Variants in MAPT observed in about 807,000 individuals in gnomAD.
The protein encoded by MAPT is microtubule-associated protein tau.
A neutral mutation model predicts 67.9 loss-of-function variants in MAPT; 34 were observed. The ratio of observed to expected loss-of-function variants is 0.50; its 90% CI spans 0.38 to 0.67. The LOEUF is 0.67. Among genes scored for constraint, MAPT ranks in the 30% least tolerant of loss-of-function variants. The pLI is 0.00. For missense variants in MAPT, 881 were observed against 1,115.2 expected (o/e 0.79, Z 2.99); for synonymous variants, 456 against 464.5 (o/e 0.98, Z 0.23).
chr17:45,918,238 G>A lies in MAPT; in HGVS notation c.-18+23552G>A, dbSNP rs541383001. On this transcript the variant is annotated intron_variant, in intron 1 of 12. Coordinates refer to ENST00000262410, the MANE Select transcript of MAPT (RefSeq NM_001377265.1). Reference sequence around the variant, plus strand: ...CTGGTCTGTTCTTGGCCACTGAAGCGTTTCCCCCAGCTGTTGCTTTAATCA... The same window carrying A: ...CTGGTCTGTTCTTGGCCACTGAAGCATTTCCCCCAGCTGTTGCTTTAATCA... Among the ~76,000 whole-genome samples, 5 of 152,318 alleles carry A rather than the reference G, an allele frequency of 3.3e-5. No individual in the cohort carries two copies. The South Asian group carries it at 8.3e-4, about 25-fold the overall frequency.
intron 1 of MAPT, among the ~76,000 whole-genome samples, chr17:45,951,116 G>A (rs2069029773): frequency 6.6e-6 from 1 of 152,200 alleles, no homozygotes; most frequent in Non-Finnish European, 1.5e-5. Context: ...CAAAAGCCAC[G>A]TGCTGTGTGA....
At chr17:45,939,431 A>ATC (rs1568203469) in intron 1 of MAPT, among the ~76,000 whole-genome samples, 1 of 152,204 alleles carries the variant, frequency 6.6e-6, no homozygotes, top group Admixed American at 6.5e-5. Context: ...GTGTTGCAGC[A>ATC]TCTTATCTCA....
In MAPT at chr17:45,971,756, C is replaced by T. The variant is rs879481444; in HGVS notation, c.134-103C>T. ...GTGTTCCAGCTGTTTCCACAGGGAG[C>T]GATTTTCAGCTCCACAGGACACTGC... On this transcript the variant is annotated intron_variant, in intron 2 of 12. Coordinates refer to ENST00000262410, the MANE Select transcript of MAPT (RefSeq NM_001377265.1). The surrounding 1 kb of genome is among the most constrained non-coding windows in gnomAD (Gnocchi z 4.3). The T allele has an allele frequency of 9.4e-6, 8 of 852,462 alleles. No individual in the cohort carries two copies. The highest frequency in any genetic ancestry group is 3.8e-5 in the Admixed American group (2 of 53,120). The allele number at this position is 852,462 out of a possible 1,614,324, so 52.8% of individuals were successfully genotyped here. A position where few individuals can be genotyped will look rare whatever the true frequency, so the allele number is the denominator to read the frequency against.
intron 1 of MAPT, among the ~76,000 whole-genome samples, chr17:45,946,615 A>AAAAAAAATATATATATATATATATAT: frequency 1.0e-5 from 1 of 100,402 alleles, no homozygotes; most frequent in Admixed American, 1.1e-4. Flanking sequence ...AAAAAAAAAA[A>AAAAAAAATATATATATATATATATAT]ATATATATAT....
intron 1 of MAPT, among the ~76,000 whole-genome samples, chr17:45,917,966 G>T (rs1282035830): frequency 6.6e-6 from 1 of 152,120 alleles, no homozygotes; most frequent in East Asian, 1.9e-4. Flanking sequence ...AGAGACGGGG[G>T]TTTCACTCTG....
chr17:45,904,364 ATT>A (rs1305372970), intron 1 of MAPT, among the ~76,000 whole-genome samples: 3 of 80,314 alleles, frequency 3.7e-5, no homozygotes, highest in Non-Finnish European at 8.1e-5. Context: ...TATTATATAT[ATT>A]AAATATATTT....
At chr17:45,972,107 T>C in intron 3 of MAPT, 162 bp downstream of exon 3, 1 of 708,634 alleles carries the variant, frequency 1.4e-6, no homozygotes, top group Non-Finnish European at 2.6e-6. Context: ...CTTGCGTCGA[T>C]GCCTTGCTTG....
rs72293848 is a variant in MAPT, at chr17:46,003,099, C to CGTGT, written c.1998+6455_1998+6458dup. Among the ~76,000 whole-genome samples the CGTGT allele has an allele frequency of 6.3e-3, 911 of 145,326 alleles. 8 individuals carry two copies. Among genetic ancestry groups the CGTGT allele is most frequent in the African/African-American group, 0.015 (603 of 39,250 alleles). Reference sequence around the variant, plus strand: ...ATGCCCGACCTTCTCTTTTTAAGGGCGTGTGTGTGTGTGTGTGTGTGTGGG... The same window carrying CGTGT: ...ATGCCCGACCTTCTCTTTTTAAGGGCGTGTGTGTGTGTGTGTGTGTGTGTGTGGG... On this transcript the variant is annotated intron_variant, in intron 9 of 12. Coordinates refer to ENST00000262410, the MANE Select transcript of MAPT (RefSeq NM_001377265.1).
Position 45,986,900 on chromosome 17 carries a change from AAG to A in MAPT, c.1352-136_1352-135del. On this transcript the variant is annotated intron_variant, in intron 5 of 12. Coordinates refer to ENST00000262410, the MANE Select transcript of MAPT (RefSeq NM_001377265.1). Reference sequence around the variant, plus strand: ...GCGAGGCCTAGCAGATTCAAGGGAAAAGAGAACCAACTGGGTTTCCACCAGAC... The same window carrying A: ...GCGAGGCCTAGCAGATTCAAGGGAAAAGAACCAACTGGGTTTCCACCAGAC... 2.4e-5 allele frequency: 17 copies of A among 713,220 alleles called. No homozygotes were observed. The South Asian group carries it at 2.6e-4, about 11-fold the overall frequency. The allele number at this position is 713,220 out of a possible 1,614,324, so 44.2% of individuals were successfully genotyped here. A position where few individuals can be genotyped will look rare whatever the true frequency, so the allele number is the denominator to read the frequency against.
chr17:45,957,177 T>A (rs1016907584), intron 1 of MAPT, among the ~76,000 whole-genome samples: 3 of 152,138 alleles, frequency 2.0e-5, no homozygotes, highest in Non-Finnish European at 4.4e-5. Flanking sequence ...CGCCACACTG[T>A]CTTCCACAAT....
Position 45,996,561 on chromosome 17 carries a change from A to G in MAPT, c.1895A>G (p.Lys632Arg). ...RTPPKSPSSAKSRLQTAPVPM... is the reference protein window; with the variant it reads ...RTPPKSPSSARSRLQTAPVPM... ...CCACCCAAGTCGCCGTCTTCCGCCA[A>G]GAGCCGCCTGCAGACAGCCCCCGTG... Residue 632 changes from lysine (K) to arginine (R), a missense_variant, in exon 9 of 13, where the codon AAG becomes AGG. By Grantham distance (26) the Lys-to-Arg change is conservative. Transcript: ENST00000262410. This position sits in a 1 kb window ranked among gnomAD's most constrained non-coding sequence, Gnocchi z 4.5. The G allele has an allele frequency of 6.2e-7, 1 of 1,613,706 alleles. No individual in the cohort carries two copies. The highest frequency in any genetic ancestry group is 8.5e-7 in the Non-Finnish European group (1 of 1,179,850).
chr17:45,974,492 C>T (rs1378994242), intron 3 of MAPT: 1 of 1,580,064 alleles, frequency 6.3e-7, no homozygotes, highest in South Asian at 1.1e-5. Flanking sequence ...GCCCCAGAGA[C>T]CCCCAGGCAG....
chr17:46,018,101 T>C (rs58879558), intron 11 of MAPT, among the ~76,000 whole-genome samples: 26,414 of 147,270 alleles, frequency 0.18, 3,025 homozygotes, highest in Admixed American at 0.31. Flanking sequence ...GCAGAGACCA[T>C]GCCACTGCAC....
intron 1 of MAPT, among the ~76,000 whole-genome samples, chr17:45,939,399 C>G (rs1276418346): frequency 1.3e-5 from 2 of 152,222 alleles, no homozygotes; most frequent in African/African-American, 2.4e-5. Flanking sequence ...TCAGATTTTC[C>G]TAATCAGCTC....
At chr17:45,963,077 G>A (rs954508899) in intron 2 of MAPT, among the ~76,000 whole-genome samples, 5 of 152,112 alleles carry the variant, frequency 3.3e-5, no homozygotes, top group African/African-American at 1.2e-4. Flanking sequence ...TAAATCAGTG[G>A]TATTGATTAG....
chr17:45,997,201 G>A (rs1467500993), intron 9 of MAPT, among the ~76,000 whole-genome samples: 1 of 152,174 alleles, frequency 6.6e-6, no homozygotes, highest in Non-Finnish European at 1.5e-5. Context: ...CTTCCTAAAG[G>A]TGGAGAAGCA....
intron 1 of MAPT, among the ~76,000 whole-genome samples, chr17:45,959,923 T>C (rs1225447330): frequency 6.6e-6 from 1 of 152,200 alleles, no homozygotes; most frequent in African/African-American, 2.4e-5. Flanking sequence ...AAAGGAACAT[T>C]TGGTAGTTAG....
chr17:45,954,387 C>T (rs1336003640), intron 1 of MAPT, among the ~76,000 whole-genome samples: 2 of 152,046 alleles, frequency 1.3e-5, no homozygotes, highest in Admixed American at 6.6e-5. Flanking sequence ...TTTGGGAGGC[C>T]GAGGCAGGCG....
intron 3 of MAPT, chr17:45,976,894 G>A (rs777746635): frequency 6.6e-6 from 1 of 152,324 alleles, no homozygotes; most frequent in African/African-American, 2.4e-5. Context: ...CACACCCTCT[G>A]TCTCAAGGAC....
Sources: allele counts gnomAD v4.1 joint callset (sites outside exome capture counted in the v4.1 genomes callset), GRCh38; gene constraint gnomAD v4.1.1; non-coding constraint Gnocchi (gnomAD v3.1); transcripts MANE v1.5; gene names NCBI Gene and HGNC (gene_info 2026-07-23, HGNC 2026-07-21).